The following GRM8 variants were observed in gnomAD, a reference collection of about 807,000 sequenced individuals.
GRM8 encodes the protein metabotropic glutamate receptor 8.
A neutral mutation model predicts 87.2 loss-of-function variants in GRM8; 47 were observed. The ratio of observed to expected loss-of-function variants is 0.54; its 90% CI spans 0.43 to 0.69. GRM8 has a LOEUF of 0.69. GRM8 is among the 30% of genes least tolerant of loss of function. The pLI, the probability that GRM8 is intolerant of heterozygous loss-of-function variation, is 0.00. For missense variants in GRM8, 1,019 were observed against 1,139.2 expected (o/e 0.89, Z 1.52); for synonymous variants, 396 against 404.5 (o/e 0.98, Z 0.25).
At chr7:126,807,329 G>T (rs1011477361) in intron 6 of GRM8, among the ~76,000 whole-genome samples, 3 of 152,210 alleles carry the variant, frequency 2.0e-5, no homozygotes, top group African/African-American at 7.2e-5. Flanking sequence ...ATGTTCATTT[G>T]AGAGGTGCCT....
intron 3 of GRM8, among the ~76,000 whole-genome samples, chr7:126,946,807 T>C (rs887246380): frequency 6.6e-6 from 1 of 152,208 alleles, no homozygotes; most frequent in Non-Finnish European, 1.5e-5. Flanking sequence ...TATACCTCAA[T>C]AGTTAATTCA....
chr7:127,226,893 TTATTG>T (rs1797365473), intron 2 of GRM8, among the ~76,000 whole-genome samples: 1 of 152,220 alleles, frequency 6.6e-6, no homozygotes, highest in Non-Finnish European at 1.5e-5. Context: ...GGGCTGATGT[TTATTG>T]TATTAGTACA....
At chr7:126,576,443 C>A (rs911969831) in intron 8 of GRM8, among the ~76,000 whole-genome samples, 4 of 151,982 alleles carry the variant, frequency 2.6e-5, no homozygotes, top group Non-Finnish European at 5.9e-5. Flanking sequence ...CCACCATGCC[C>A]AGATAATTTT....
chr7:126,454,086 G>A (rs977027591), intron 9 of GRM8, among the ~76,000 whole-genome samples: 1 of 151,576 alleles, frequency 6.6e-6, no homozygotes, highest in Non-Finnish European at 1.5e-5. Context: ...AATATTTTCA[G>A]GTAGAGAACA....
intron 8 of GRM8, among the ~76,000 whole-genome samples, chr7:126,584,026 C>A (rs1031706337): frequency 6.6e-6 from 1 of 152,120 alleles, no homozygotes; most frequent in East Asian, 1.9e-4. Context: ...ACAGCCTCCC[C>A]AACCTTCAGC....
chr7:126,750,345 A>G (rs1430850180), intron 7 of GRM8, among the ~76,000 whole-genome samples: 2 of 152,152 alleles, frequency 1.3e-5, no homozygotes, highest in African/African-American at 4.8e-5. Flanking sequence ...GAGAGACAGG[A>G]GAGAACACTT....
chr7:127,224,370 C>A (rs935195425), intron 2 of GRM8, among the ~76,000 whole-genome samples: 15 of 152,112 alleles, frequency 9.9e-5, no homozygotes, highest in African/African-American at 3.6e-4. Context: ...GCAAAATAAA[C>A]CAAGGAGGCC....
intron 7 of GRM8, among the ~76,000 whole-genome samples, chr7:126,719,851 GA>G (rs34193510): frequency 0.31 from 34,325 of 111,792 alleles, 4,477 homozygotes; most frequent in East Asian, 0.53. Flanking sequence ...CTTTAGTCTT[GA>G]AAAAAAAAAA....
intron 2 of GRM8, among the ~76,000 whole-genome samples, chr7:127,168,983 A>G (rs1793621115): frequency 6.8e-6 from 1 of 148,116 alleles, no homozygotes; most frequent in Admixed American, 6.8e-5. Context: ...CGTTCTGCAC[A>G]TGTACTGCAG....
rs571030410 is a variant in GRM8, at chr7:126,566,801, G to A, written c.1495-32914C>T. 7.2e-5 allele frequency among the ~76,000 whole-genome samples: 11 copies of A among 152,154 alleles called. No individual in the cohort carries two copies. The South Asian group carries it at 1.5e-3, about 20-fold the overall frequency. ...TCTAAATGTTTATTGGCAGATGAAC[G>A]GAAAAGAAAATGAGATGCATAAATA... On this transcript the variant is annotated intron_variant, in intron 8 of 10. Coordinates refer to ENST00000339582, the MANE Select transcript of GRM8 (RefSeq NM_000845.3).
At chr7:127,179,076 G>T (rs1794285318) in intron 2 of GRM8, among the ~76,000 whole-genome samples, 1 of 152,134 alleles carries the variant, frequency 6.6e-6, no homozygotes, top group African/African-American at 2.4e-5. Context: ...CCACGGAATG[G>T]ATAAGAACTC....
At chr7:126,796,642 A>G (rs1298834288) in intron 6 of GRM8, among the ~76,000 whole-genome samples, 2 of 152,048 alleles carry the variant, frequency 1.3e-5, no homozygotes, top group African/African-American at 2.4e-5. Context: ...ATGCCACCTC[A>G]TTTGAGGTTC....
At chr7:126,626,708 A>C (rs567720604) in intron 7 of GRM8, among the ~76,000 whole-genome samples, 55 of 152,234 alleles carry the variant, frequency 3.6e-4, no homozygotes, top group African/African-American at 1.3e-3. Context: ...TCTTTGCTTT[A>C]TACTTCTCCA....
intron 6 of GRM8, among the ~76,000 whole-genome samples, chr7:126,885,886 C>A (rs1800446929): frequency 6.6e-6 from 1 of 152,040 alleles, no homozygotes; most frequent in Non-Finnish European, 1.5e-5. Flanking sequence ...ATCCAAAGGC[C>A]AGTTTTTTTC....
intron 2 of GRM8, among the ~76,000 whole-genome samples, chr7:127,225,559 C>A (rs553794472): frequency 3.3e-5 from 5 of 151,360 alleles, no homozygotes; most frequent in Non-Finnish European, 7.4e-5. Context: ...AAGAAAGAAA[C>A]GCAACAATTT....
At chr7:127,178,105 G>T (rs1298101040) in intron 2 of GRM8, among the ~76,000 whole-genome samples, 1 of 152,116 alleles carries the variant, frequency 6.6e-6, no homozygotes, top group Non-Finnish European at 1.5e-5. Flanking sequence ...AAAAAATAAT[G>T]CAAGAACTGA....
At chr7:126,545,318 T>C (rs1004544137) in intron 8 of GRM8, among the ~76,000 whole-genome samples, 5 of 152,232 alleles carry the variant, frequency 3.3e-5, no homozygotes, top group Non-Finnish European at 4.4e-5. Context: ...ATATGGTATT[T>C]GTTGCAAGAC....
rs530331426 is a variant in GRM8 at position 127,102,292 on chromosome 7, T to C, written c.727+4204A>G. The stretch of plus-strand genomic sequence containing the variant: ...TGGGGCAGAGAAAGAAAAAGCTTTT[T>C]CAGGAGAAGAATTTAAGCAGGCTGT... On this transcript the variant is annotated intron_variant, in intron 3 of 10. Transcript: ENST00000339582. Among the ~76,000 whole-genome samples, 9 of 152,326 alleles carry C rather than the reference T, an allele frequency of 5.9e-5. 1 individual carries two copies.
At chr7:127,192,127 C>T (rs1403612298) in intron 2 of GRM8, among the ~76,000 whole-genome samples, 1 of 152,156 alleles carries the variant, frequency 6.6e-6, no homozygotes, top group Non-Finnish European at 1.5e-5. Context: ...AAGAGATCTA[C>T]ACAATATTCT....
Sources: allele counts gnomAD v4.1 joint callset (sites outside exome capture counted in the v4.1 genomes callset), GRCh38; gene constraint gnomAD v4.1.1; transcripts MANE v1.5; gene names NCBI Gene and HGNC (gene_info 2026-07-23, HGNC 2026-07-21).